The following ATF7IP2 variants were observed in gnomAD, a reference collection of about 807,000 sequenced individuals.
The protein encoded by ATF7IP2 is activating transcription factor 7 interacting protein 2.
A neutral mutation model predicts 64.2 loss-of-function variants in ATF7IP2; 42 were observed. That is an observed-to-expected ratio of 0.65 (90% CI 0.51 to 0.85). The LOEUF (loss-of-function observed/expected upper bound fraction) is 0.85, where lower values mean the gene tolerates loss of function less well. Among genes scored for constraint, ATF7IP2 ranks in the 40% least tolerant of loss-of-function variants. ATF7IP2 has a pLI of 0.00. For missense variants in ATF7IP2, 933 were observed against 784.2 expected (o/e 1.19, Z -2.27); for synonymous variants, 308 against 272.8 (o/e 1.13, Z -1.27).
intron 12 of ATF7IP2, among the ~76,000 whole-genome samples, chr16:10,474,836 C>G (rs1168125080): frequency 6.6e-6 from 1 of 152,040 alleles, no homozygotes; most frequent in East Asian, 1.9e-4. Flanking sequence ...ACAATGCAAG[C>G]CAAAAGACAA....
intron 4 of ATF7IP2, among the ~76,000 whole-genome samples, chr16:10,429,788 T>C (rs1258606364): frequency 8.1e-5 from 12 of 147,266 alleles, no homozygotes; most frequent in Non-Finnish European, 1.6e-4. Context: ...TTTAATTTAA[T>C]TTTTATTTTA....
intron 2 of ATF7IP2, among the ~76,000 whole-genome samples, chr16:10,416,131 C>T (rs1450143301): frequency 6.6e-6 from 1 of 152,184 alleles, no homozygotes; most frequent in African/African-American, 2.4e-5. Context: ...ATCAGTATAT[C>T]AAAGGGATAT....
rs2050307529 is a variant in ATF7IP2 at position 10,483,363 on chromosome 16, G to GT, written c.*1115dup. 2.6e-5 allele frequency: 4 copies of GT among 152,104 alleles called. No homozygotes were observed. Among genetic ancestry groups the GT allele is most frequent in the African/African-American group, 9.7e-5 (4 of 41,398 alleles). 9.4% of individuals were successfully genotyped at this position (152,104 alleles called of 1,614,324 possible). A position where few individuals can be genotyped will look rare whatever the true frequency, so the allele number is the denominator to read the frequency against. Reference sequence around the variant, plus strand: ...ATACTAAGGGGCTCAGATGTGTCTTGTGCCCACCTCTTCCTGAGAAGAGAT... The same window carrying GT: ...ATACTAAGGGGCTCAGATGTGTCTTGTTGCCCACCTCTTCCTGAGAAGAGAT... On this transcript the variant is annotated 3_prime_UTR_variant, in exon 14 of 14. Transcript: ENST00000562102.
intron 7 of ATF7IP2, among the ~76,000 whole-genome samples, chr16:10,438,587 TA>T (rs1372087029): frequency 6.6e-6 from 1 of 152,100 alleles, no homozygotes; most frequent in Admixed American, 6.6e-5. Flanking sequence ...AATTTGGTGA[TA>T]TTTTTCATAT....
intron 3 of ATF7IP2, among the ~76,000 whole-genome samples, chr16:10,428,325 G>A (rs929933607): frequency 6.6e-6 from 1 of 152,150 alleles, no homozygotes; most frequent in African/African-American, 2.4e-5. Flanking sequence ...TTTTACTCCA[G>A]AGCTTAAATT....
At chr16:10,437,409 C>G (rs1377728883) in intron 6 of ATF7IP2, among the ~76,000 whole-genome samples, 1 of 152,090 alleles carries the variant, frequency 6.6e-6, no homozygotes, top group African/African-American at 2.4e-5. Context: ...AAAGCCACCC[C>G]CTAAAACAAT....
intron 12 of ATF7IP2, among the ~76,000 whole-genome samples, chr16:10,476,365 G>A (rs1013746200): frequency 2.6e-5 from 4 of 152,116 alleles, no homozygotes; most frequent in Non-Finnish European, 5.9e-5. Flanking sequence ...TACATCACAG[G>A]ATATAAAGGA....
chr16:10,428,561 G>C (rs1392718754), intron 3 of ATF7IP2, among the ~76,000 whole-genome samples: 1 of 152,150 alleles, frequency 6.6e-6, no homozygotes, highest in Non-Finnish European at 1.5e-5. Context: ...TGTGTTTAGT[G>C]GGATGTGTTT....
chr16:10,444,022 G>C (rs2048718616), intron 8 of ATF7IP2, among the ~76,000 whole-genome samples: 1 of 152,158 alleles, frequency 6.6e-6, no homozygotes, highest in Non-Finnish European at 1.5e-5. Context: ...TCACAATGGT[G>C]AGAGTTAGGG....
chr16:10,430,755 T>C lies in ATF7IP2; in HGVS notation c.135T>C (p.Asn45=), dbSNP rs771728827. 1.1e-5 allele frequency: 17 copies of C among 1,613,576 alleles called. No homozygotes were observed. In the Admixed American group the frequency reaches 1.2e-4, roughly 11 times the overall value. Residue 45 remains asparagine (N), a synonymous_variant, in exon 5 of 14, where the codon AAT becomes AAC. Transcript: ENST00000562102. ...VEALKTAIGS[N]VPSGNQSFSP... ...CGCTGAAAACAGCAATTGGGAGTAA[T>C]GTTCCAAGCGGTAATCAGAGTTTCA...
At chr16:10,388,811 C>T (rs997636758) in intron 1 of ATF7IP2, among the ~76,000 whole-genome samples, 1 of 152,096 alleles carries the variant, frequency 6.6e-6, no homozygotes, top group Admixed American at 6.5e-5. Context: ...GAGATTGAGA[C>T]CATCTTGGTT....
chr16:10,448,678 TAA>T (rs1206025333), intron 8 of ATF7IP2: 2 of 152,232 alleles, frequency 1.3e-5, no homozygotes, highest in East Asian at 3.8e-4. Flanking sequence ...TGGGGTTTTC[TAA>T]ATATTATTTA....
intron 8 of ATF7IP2, chr16:10,449,692 G>A (rs111613534): frequency 2.3e-3 from 355 of 152,026 alleles, no homozygotes; most frequent in African/African-American, 8.2e-3. Flanking sequence ...TGATTCTTCT[G>A]TCTTTTCTTC....
rs2048327772 is a variant in ATF7IP2, at chr16:10,433,661, G to A, written c.960+12G>A. ...CATTCCTGGAACAGGTAAAATATTGGGGCTTAAATGGAACTTTTACTTTTG... is the reference window on the plus strand; with the variant it reads ...CATTCCTGGAACAGGTAAAATATTGAGGCTTAAATGGAACTTTTACTTTTG... On this transcript the variant is annotated intron_variant, in intron 6 of 13. Transcript: ENST00000562102. 15 of 1,610,940 alleles carry A rather than the reference G, an allele frequency of 9.3e-6. No homozygotes were observed. The highest frequency in any genetic ancestry group is 1.3e-5 in the Non-Finnish European group (15 of 1,178,714).
Position 10,426,093 on chromosome 16 carries a change from T to G in ATF7IP2, c.-159-2775T>G, listed in dbSNP as rs1442800090. ...TCCTCTTTCTATGTGCTAAAATAAA[T>G]TCTAGATGGATTAAGGACTTAAATT... On this transcript the variant is annotated intron_variant, in intron 3 of 13. Transcript: ENST00000562102. Among the ~76,000 whole-genome samples, 6 of 152,270 alleles carry G rather than the reference T, an allele frequency of 3.9e-5. No individual in the cohort carries two copies. In the East Asian group the frequency reaches 9.6e-4, roughly 24 times the overall value.
At chr16:10,453,857 T>C (rs769463976) in intron 8 of ATF7IP2, among the ~76,000 whole-genome samples, 2 of 152,084 alleles carry the variant, frequency 1.3e-5, no homozygotes, top group Non-Finnish European at 2.9e-5. Context: ...CCTCATGTGA[T>C]CCGCCTGCCC....
At chr16:10,437,202 G>A (rs761022732) in intron 6 of ATF7IP2, among the ~76,000 whole-genome samples, 1 of 151,980 alleles carries the variant, frequency 6.6e-6, no homozygotes, top group African/African-American at 2.4e-5. Flanking sequence ...TGTATTTTTA[G>A]TAGAGTCGGG....
At chr16:10,386,297 G>A (rs972681955) in intron 1 of ATF7IP2, 175 bp downstream of exon 1, 3 of 152,292 alleles carry the variant, frequency 2.0e-5, no homozygotes, top group Non-Finnish European at 2.9e-5. Flanking sequence ...CGTCTGACAG[G>A]TCCGGGAAGA....
intron 1 of ATF7IP2, among the ~76,000 whole-genome samples, chr16:10,389,935 G>A (rs917445372): frequency 6.6e-6 from 1 of 152,118 alleles, no homozygotes; most frequent in Non-Finnish European, 1.5e-5. Context: ...GGGCCCTGTC[G>A]CTTCATAATA....
Sources: allele counts gnomAD v4.1 joint callset (sites outside exome capture counted in the v4.1 genomes callset), GRCh38; gene constraint gnomAD v4.1.1; transcripts MANE v1.5; gene names NCBI Gene and HGNC (gene_info 2026-07-23, HGNC 2026-07-21).